The following JMJD1C variants were observed in gnomAD, a reference collection of about 807,000 sequenced individuals.
The protein encoded by JMJD1C is jumonji domain-containing protein 1C.
In JMJD1C, 31 loss-of-function variants were observed where a neutral mutation model predicts 245.3. The observed-to-expected ratio is 0.13, with a 90% CI of 0.09 to 0.17. The LOEUF is 0.17. JMJD1C is among the 10% of genes least tolerant of loss of function. The pLI is 1.00. For synonymous variants in JMJD1C, 1,057 were observed against 1,017.4 expected (o/e 1.04, Z -0.74); for missense variants, 2,691 against 3,000.2 (o/e 0.90, Z 2.41).
At chr10:63,327,483 T>C (rs1297686607) in intron 2 of JMJD1C, among the ~76,000 whole-genome samples, 1 of 152,068 alleles carries the variant, frequency 6.6e-6, no homozygotes, top group Non-Finnish European at 1.5e-5. Flanking sequence ...AAGAATAAAT[T>C]TGGGCTAGAT....
intron 1 of JMJD1C, among the ~76,000 whole-genome samples, chr10:63,425,524 C>G (rs1297665023): frequency 6.6e-6 from 1 of 152,116 alleles, no homozygotes. Flanking sequence ...GCTCATGTCT[C>G]TAATCCCAGG....
At chr10:63,306,847 G>C (rs925062945) in intron 2 of JMJD1C, among the ~76,000 whole-genome samples, 2 of 152,052 alleles carry the variant, frequency 1.3e-5, no homozygotes, top group East Asian at 3.9e-4. Flanking sequence ...ACTGCCATAT[G>C]AAACAAAAAT....
chr10:63,400,567 T>C (rs917302909), intron 1 of JMJD1C, among the ~76,000 whole-genome samples: 1 of 152,112 alleles, frequency 6.6e-6, no homozygotes, highest in African/African-American at 2.4e-5. Context: ...CTTTTCTGCC[T>C]TTCCCCCGGC....
At chr10:63,321,105 A>G (rs1430574679) in intron 2 of JMJD1C, among the ~76,000 whole-genome samples, 1 of 152,260 alleles carries the variant, frequency 6.6e-6, no homozygotes, top group Non-Finnish European at 1.5e-5. Flanking sequence ...GGTGGGTGGC[A>G]CACACAAACT....
At position 63,355,772 on chromosome 10, in the gene JMJD1C, G is replaced by A. The variant is rs556007417; in HGVS notation, c.333+24546C>T. 4.6e-5 allele frequency among the ~76,000 whole-genome samples: 7 copies of A among 152,102 alleles called. No individual in the cohort carries two copies. The South Asian group carries it at 1.5e-3, about 32-fold the overall frequency. On this transcript the variant is annotated intron_variant, in intron 2 of 25. Transcript: ENST00000399262. The stretch of plus-strand genomic sequence containing the variant: ...AAAAAAAAAGGTAATGTGTGCTCAT[G>A]TGCATTTATCTTAGATCATATACAA...
At chr10:63,322,867 G>C (rs2134118765) in intron 2 of JMJD1C, among the ~76,000 whole-genome samples, 2 of 140,640 alleles carry the variant, frequency 1.4e-5, no homozygotes, top group South Asian at 4.4e-4. Flanking sequence ...GTTGAGGAAA[G>C]AACAGAATCT....
intron 1 of JMJD1C, among the ~76,000 whole-genome samples, chr10:63,513,606 C>T (rs1016358984): frequency 6.6e-6 from 1 of 152,076 alleles, no homozygotes; most frequent in African/African-American, 2.4e-5. Flanking sequence ...ACTTAAACAA[C>T]TGAAGCAAAA....
Position 63,221,695 on chromosome 10 carries a change from T to C in JMJD1C, c.448-1712A>G, listed in dbSNP as rs1409411574. Among the ~76,000 whole-genome samples, 3 of 152,180 alleles carry C rather than the reference T, an allele frequency of 2.0e-5. No individual in the cohort carries two copies. The East Asian group carries it at 5.8e-4, about 29-fold the overall frequency. On this transcript the variant is annotated intron_variant, in intron 3 of 25. Transcript: ENST00000399262. ...TAATGCACACCAGCTGACAGTCTAG[T>C]CGATAACAAACAGAACATAGGAAAC...
intron 1 of JMJD1C, among the ~76,000 whole-genome samples, chr10:63,484,014 T>C (rs556530824): frequency 3.5e-4 from 53 of 152,320 alleles, no homozygotes; most frequent in African/African-American, 1.2e-3. Flanking sequence ...ATATTATCTC[T>C]ACTTTTTCAG....
At chr10:63,503,251 T>C (rs370311539) in intron 1 of JMJD1C, among the ~76,000 whole-genome samples, 66 of 152,272 alleles carry the variant, frequency 4.3e-4, no homozygotes, top group African/African-American at 1.6e-3. Context: ...TAACTAAAAT[T>C]GTAGGTTTTT....
intron 1 of JMJD1C, among the ~76,000 whole-genome samples, chr10:63,441,333 T>A (rs571257553): frequency 1.3e-5 from 2 of 152,304 alleles, no homozygotes; most frequent in South Asian, 4.1e-4. Context: ...GTTCAAATAC[T>A]AGTTATCAGT....
intron 1 of JMJD1C, among the ~76,000 whole-genome samples, chr10:63,481,536 T>A (rs1953829669): frequency 6.6e-6 from 1 of 152,194 alleles, no homozygotes; most frequent in African/African-American, 2.4e-5. Context: ...ACTTAGAAGC[T>A]TTATTTAACA....
chr10:63,219,441 T>C lies in JMJD1C; in HGVS notation c.553+437A>G, dbSNP rs147804895. On this transcript the variant is annotated intron_variant, in intron 4 of 25. Transcript: ENST00000399262. ...GGTTTGAAGGTCACACGTTGTAACA[T>C]ACTAAACAAAGGAAACAAAAGACTA... Among the ~76,000 whole-genome samples the C allele has an allele frequency of 8.8e-3, 1,345 of 152,204 alleles. 13 individuals are homozygous for C. Among genetic ancestry groups the C allele is most frequent in the East Asian group, 0.035 (183 of 5,182 alleles).
At chr10:63,507,650 A>AAAAAAAAAAAAAAAAAAAAC in intron 1 of JMJD1C, among the ~76,000 whole-genome samples, 1 of 149,432 alleles carries the variant, frequency 6.7e-6, no homozygotes, top group Non-Finnish European at 1.5e-5. Context: ...GTCTCAAAAA[A>AAAAAAAAAAAAAAAAAAAAC]AAAAAAAAAA....
chr10:63,286,818 A>G (rs1243620256), intron 2 of JMJD1C, among the ~76,000 whole-genome samples: 2 of 152,228 alleles, frequency 1.3e-5, no homozygotes, highest in Admixed American at 6.5e-5. Flanking sequence ...CCCAGAATAC[A>G]CAGAAACAGA....
chr10:63,500,864 GATAA>G (rs1205241385), intron 1 of JMJD1C, among the ~76,000 whole-genome samples: 1 of 152,096 alleles, frequency 6.6e-6, no homozygotes, highest in Non-Finnish European at 1.5e-5. Flanking sequence ...TGGATAGATA[GATAA>G]ATGTATGTTT....
At chr10:63,355,403 C>T (rs1329332797) in intron 2 of JMJD1C, among the ~76,000 whole-genome samples, 3 of 152,176 alleles carry the variant, frequency 2.0e-5, no homozygotes, top group Non-Finnish European at 4.4e-5. Flanking sequence ...CATGGCTGTG[C>T]AGTTCTATGC....
Position 63,208,596 on chromosome 10 carries a change from T to C in JMJD1C, c.3073A>G (p.Ile1025Val). Residue 1025 changes from isoleucine to valine, a missense_variant, in exon 10 of 26, where the codon ATT becomes GTT. By Grantham distance (29) the Ile-to-Val change is conservative. Transcript: ENST00000399262. ...GCAACATCAATACTTTCTTGAAGAA[T>C]TCGACGGTGTTCCTCTTTGTATTTG... ...LNKYKEEHRR[I>V]LQESIDVAPF... 3 of 1,614,066 alleles carry C rather than the reference T, an allele frequency of 1.9e-6. No homozygotes were observed. The South Asian group carries it at 3.3e-5, about 18-fold the overall frequency.
chr10:63,345,396 A>G (rs1385187263), intron 2 of JMJD1C, among the ~76,000 whole-genome samples: 2 of 151,530 alleles, frequency 1.3e-5, no homozygotes, highest in Admixed American at 1.3e-4. Flanking sequence ...CTAAGGAAGG[A>G]GAATCGCTTG....
Sources: gnomAD v4.1 joint callset for allele counts (sites outside exome capture counted in the v4.1 genomes callset) on GRCh38, gnomAD v4.1.1 for gene constraint, MANE v1.5 for transcripts, NCBI Gene and HGNC (gene_info 2026-07-23, HGNC 2026-07-21) for gene names.